Variants in MYT1L observed in about 807,000 individuals in gnomAD.
MYT1L encodes the protein myelin transcription factor 1 like.
MYT1L carries 12 observed loss-of-function variants against 126.7 expected under a neutral mutation model. The ratio of observed to expected loss-of-function variants is 0.09; its 90% CI spans 0.06 to 0.15. The LOEUF (loss-of-function observed/expected upper bound fraction) is 0.15. Among genes scored for constraint, MYT1L ranks in the 10% least tolerant of loss-of-function variants. The pLI is 1.00. For synonymous variants in MYT1L, 541 were observed against 604.2 expected, an observed-to-expected ratio of 0.90 and a Z score of 1.53; for missense variants, 979 against 1,585.2, an observed-to-expected ratio of 0.62 and a Z score of 6.49.
chr2:2,050,067 G>C (rs1057183977), intron 4 of MYT1L, among the ~76,000 whole-genome samples: 2 of 152,112 alleles, frequency 1.3e-5, no homozygotes, highest in African/African-American at 2.4e-5. Flanking sequence ...TTGGTACAGA[G>C]TGGATGCTTA....
chr2:2,183,811 GGA>G (rs1264293577), intron 2 of MYT1L, among the ~76,000 whole-genome samples: 1 of 142,250 alleles, frequency 7.0e-6, no homozygotes, highest in Non-Finnish European at 1.5e-5. Flanking sequence ...AAGGAAGGAA[GGA>G]GAGAGACAAA....
chr2:2,195,591 A>G (rs1005817301), intron 2 of MYT1L, among the ~76,000 whole-genome samples: 4 of 152,220 alleles, frequency 2.6e-5, no homozygotes, highest in Non-Finnish European at 5.9e-5. Flanking sequence ...ACCTCAGGAG[A>G]AAATAACAAC....
At chr2:2,145,343 C>A (rs909682021) in intron 3 of MYT1L, among the ~76,000 whole-genome samples, 2 of 152,182 alleles carry the variant, frequency 1.3e-5, no homozygotes, top group Admixed American at 6.5e-5. Flanking sequence ...TCTTCTCCAG[C>A]GCTTCCTGAA....
intron 3 of MYT1L, among the ~76,000 whole-genome samples, chr2:2,091,505 A>C (rs1344313629): frequency 6.6e-6 from 1 of 152,156 alleles, no homozygotes; most frequent in African/African-American, 2.4e-5. Flanking sequence ...TTAGCATAAC[A>C]ATTAAGGGCC....
chr2:2,270,316 AAT>A (rs896924149), intron 2 of MYT1L, among the ~76,000 whole-genome samples: 2 of 152,210 alleles, frequency 1.3e-5, no homozygotes, highest in Non-Finnish European at 2.9e-5. Context: ...AGCCTCACAC[AAT>A]GTTTGTAGAC....
intron 18 of MYT1L, among the ~76,000 whole-genome samples, chr2:1,864,486 C>T (rs1346147473): frequency 1.3e-5 from 2 of 152,196 alleles, no homozygotes; most frequent in Non-Finnish European, 2.9e-5. Context: ...CTATTGGCTC[C>T]CGTTCAACAT....
chr2:2,204,448 G>A (rs1467758328), intron 2 of MYT1L, among the ~76,000 whole-genome samples: 38 of 150,110 alleles, frequency 2.5e-4, no homozygotes, highest in South Asian at 8.5e-4. Context: ...AAAAGTGGGC[G>A]AAGGATATGA....
rs534126096 is a variant in MYT1L, at chr2:2,094,688, C to T, written c.-303-40565G>A. ...ATCACAAGGACAAAAAATCAAACATCGCATGTTCTCACTCATAGGTGGTAA... is the reference window on the plus strand; with the variant it reads ...ATCACAAGGACAAAAAATCAAACATTGCATGTTCTCACTCATAGGTGGTAA... On this transcript the variant is annotated intron_variant, in intron 3 of 24. Transcript: ENST00000647738. Among the ~76,000 whole-genome samples, 10 of 149,776 alleles carry T rather than the reference C, an allele frequency of 6.7e-5. No homozygotes were observed. The East Asian group carries it at 7.9e-4, about 12-fold the overall frequency.
chr2:2,232,999 C>T (rs935799545), intron 2 of MYT1L, among the ~76,000 whole-genome samples: 2 of 152,122 alleles, frequency 1.3e-5, no homozygotes, highest in South Asian at 2.1e-4. Context: ...ATCACTGGGC[C>T]GATTGGATGT....
At chr2:2,204,205 G>A (rs1376908208) in intron 2 of MYT1L, among the ~76,000 whole-genome samples, 1 of 152,124 alleles carries the variant, frequency 6.6e-6, no homozygotes, top group African/African-American at 2.4e-5. Context: ...GCATGGGCAA[G>A]GACTTCATGT....
chr2:2,260,415 C>T (rs1186727090), intron 2 of MYT1L, among the ~76,000 whole-genome samples: 3 of 152,180 alleles, frequency 2.0e-5, no homozygotes, highest in African/African-American at 2.4e-5. Flanking sequence ...GTGAAAATGA[C>T]AGGTTTGACT....
chr2:1,944,233 T>C (rs962399328), intron 8 of MYT1L, among the ~76,000 whole-genome samples: 1 of 152,050 alleles, frequency 6.6e-6, no homozygotes, highest in African/African-American at 2.4e-5. Context: ...CCTCCCCGCT[T>C]CCCCGACCCC....
intron 2 of MYT1L, among the ~76,000 whole-genome samples, chr2:2,197,452 G>C (rs960326874): frequency 9.2e-5 from 14 of 151,978 alleles, no homozygotes; most frequent in African/African-American, 3.1e-4. Flanking sequence ...ATAAAAACAT[G>C]GTATATCTAT....
At chr2:2,281,449 G>A (rs1171850406) in intron 2 of MYT1L, among the ~76,000 whole-genome samples, 1 of 152,168 alleles carries the variant, frequency 6.6e-6, no homozygotes, top group Non-Finnish European at 1.5e-5. Flanking sequence ...TGTGTAATAT[G>A]TACAGAAGTG....
chr2:1,980,756 A>G (rs2060547135), intron 5 of MYT1L, among the ~76,000 whole-genome samples: 2 of 152,126 alleles, frequency 1.3e-5, no homozygotes, highest in African/African-American at 4.8e-5. Flanking sequence ...GTTTCCACTA[A>G]GCCTCAGGAG....
chr2:2,249,080 C>G (rs993677219), intron 2 of MYT1L, among the ~76,000 whole-genome samples: 1 of 151,982 alleles, frequency 6.6e-6, no homozygotes, highest in African/African-American at 2.4e-5. Flanking sequence ...TAAAGTAATT[C>G]TTGTTTGCAG....
intron 3 of MYT1L, among the ~76,000 whole-genome samples, chr2:2,108,768 G>A (rs908270603): frequency 7.9e-5 from 12 of 152,042 alleles, no homozygotes; most frequent in Admixed American, 1.3e-4. Context: ...AAGATACAGC[G>A]TTTGATCTTG....
chr2:1,966,015 T>C (rs1355545127), intron 8 of MYT1L, among the ~76,000 whole-genome samples: 3 of 152,254 alleles, frequency 2.0e-5, no homozygotes, highest in Non-Finnish European at 4.4e-5. Flanking sequence ...CTGCTGGCTC[T>C]GGGGTCTGGC....
intron 18 of MYT1L, among the ~76,000 whole-genome samples, chr2:1,857,824 A>G (rs1334331736): frequency 6.6e-6 from 1 of 152,010 alleles, no homozygotes; most frequent in Non-Finnish European, 1.5e-5. Flanking sequence ...GAAGCACCAG[A>G]GACATGGTAA....
Sources: gnomAD v4.1 joint callset for allele counts (sites outside exome capture counted in the v4.1 genomes callset) on GRCh38, gnomAD v4.1.1 for gene constraint, MANE v1.5 for transcripts, NCBI Gene and HGNC (gene_info 2026-07-23, HGNC 2026-07-21) for gene names.